Variants in DEPDC5 observed in about 807,000 individuals in gnomAD.
DEPDC5 encodes the protein DEP domain containing 5, GATOR1 subcomplex subunit, also known as GATOR1 complex protein DEPDC5.
In DEPDC5, 73 loss-of-function variants were observed where a neutral mutation model predicts 217.3. The ratio of observed to expected loss-of-function variants is 0.34; its 90% CI spans 0.28 to 0.41. DEPDC5 has a LOEUF of 0.41. DEPDC5 is among the 10% of genes least tolerant of loss of function. DEPDC5 has a pLI of 1.00. For synonymous variants in DEPDC5, 733 were observed against 756.7 expected, an observed-to-expected ratio of 0.97 and a Z score of 0.51; for missense variants, 1,675 against 2,070.1, an observed-to-expected ratio of 0.81 and a Z score of 3.70.
At chr22:31,898,468 T>C (rs547918320) in intron 40 of DEPDC5, among the ~76,000 whole-genome samples, 5 of 152,332 alleles carry the variant, frequency 3.3e-5, no homozygotes, top group African/African-American at 1.2e-4. Context: ...AAGCTAGGGT[T>C]GATGCTGATA....
At chr22:31,855,106 A>G (rs2092226387) in intron 31 of DEPDC5, among the ~76,000 whole-genome samples, 1 of 151,924 alleles carries the variant, frequency 6.6e-6, no homozygotes, top group Non-Finnish European at 1.5e-5. Flanking sequence ...CTGGGACTAC[A>G]GACGTGCGCC....
intron 2 of DEPDC5, among the ~76,000 whole-genome samples, chr22:31,756,038 A>ATTT (rs35222514): frequency 8.6e-6 from 1 of 116,848 alleles, no homozygotes; most frequent in Non-Finnish European, 1.8e-5. Context: ...ACACCTGGCT[A>ATTT]TTTTTTTTTT....
In DEPDC5 at chr22:31,804,873, G is replaced by A. The variant is rs575467056; in HGVS notation, c.1175G>A (p.Arg392His). 9 of 1,613,816 alleles carry A rather than the reference G, an allele frequency of 5.6e-6. No individual in the cohort carries two copies. The highest frequency in any genetic ancestry group is 1.7e-5 in the Admixed American group (1 of 59,986). ...AATCGGAGTGCTCCCCGTGATTCTCGTCTGGGCGATGACTATAATATCCCT... is the reference window on the plus strand; with the variant it reads ...AATCGGAGTGCTCCCCGTGATTCTCATCTGGGCGATGACTATAATATCCCT... ...LHNRSAPRDS[R>H]LGDDYNIPHW... Residue 392 changes from arginine (R) to histidine (H), a missense_variant, in exon 17 of 43, where the codon CGT (arginine) becomes CAT (histidine). This residue lies in a region of DEPDC5 where 628 missense variants were observed against 762.1 expected (regional missense o/e 0.82). Coordinates refer to ENST00000651528, the MANE Select transcript of DEPDC5 (RefSeq NM_001242896.3).
chr22:31,817,707 G>A (rs1486381119), intron 21 of DEPDC5, among the ~76,000 whole-genome samples: 1 of 151,798 alleles, frequency 6.6e-6, no homozygotes, highest in Non-Finnish European at 1.5e-5. Flanking sequence ...GGCTGGTCTC[G>A]AACTCCTGGG....
chr22:31,900,588 AATTAG>A lies in DEPDC5; in HGVS notation c.4376-1153_4376-1149del, dbSNP rs1036426959. Reference sequence around the variant, plus strand: ...ACTCCATCTTTACTAAAAACACAAAAATTAGCTGGGCGCTGTGGCACATGCCTGTA... The same window carrying A: ...ACTCCATCTTTACTAAAAACACAAAACTGGGCGCTGTGGCACATGCCTGTA... On this transcript the variant is annotated intron_variant, in intron 40 of 42. Coordinates refer to ENST00000651528, the MANE Select transcript of DEPDC5 (RefSeq NM_001242896.3). Among the ~76,000 whole-genome samples the A allele has an allele frequency of 3.1e-4, 47 of 151,798 alleles. 1 individual carries two copies. The highest frequency in any genetic ancestry group is 1.5e-3 in the South Asian group (7 of 4,816).
chr22:31,880,364 G>C (rs1219357320), intron 38 of DEPDC5: 2 of 155,270 alleles, frequency 1.3e-5, no homozygotes, highest in African/African-American at 4.8e-5. Flanking sequence ...CTGAGCTAGA[G>C]GACCTGACTG....
chr22:31,757,015 A>G (rs1050616103), intron 2 of DEPDC5, among the ~76,000 whole-genome samples: 1 of 151,918 alleles, frequency 6.6e-6, no homozygotes, highest in Non-Finnish European at 1.5e-5. Flanking sequence ...GAATGCCACA[A>G]GGTTCTTTGT....
Position 31,874,917 on chromosome 22 carries a change from C to A in DEPDC5, c.3696+512C>A, listed in dbSNP as rs183302350. On this transcript the variant is annotated intron_variant, in intron 36 of 42. Coordinates refer to ENST00000651528, the MANE Select transcript of DEPDC5 (RefSeq NM_001242896.3). ...CCTCTTATTTTCCATTTCTGTATCA[C>A]CAGTGCCAGGCATGTTGCTTGGCAC... is the stretch of plus-strand genomic sequence containing the variant. Among the ~76,000 whole-genome samples the A allele has an allele frequency of 1.5e-4, 23 of 152,336 alleles. No individual in the cohort carries two copies. The East Asian group carries it at 4.4e-3, about 29-fold the overall frequency.
chr22:31,797,188 A>G lies in DEPDC5; in HGVS notation c.768-412A>G, dbSNP rs557611646. Among the ~76,000 whole-genome samples, 9 of 152,076 alleles carry G rather than the reference A, an allele frequency of 5.9e-5. No homozygotes were observed. In the South Asian group the frequency reaches 1.9e-3, roughly 32 times the overall value. On this transcript the variant is annotated intron_variant, in intron 12 of 42. Transcript: ENST00000651528. ...TAAAGAACCTGATGTTCTGTATGTA[A>G]AGTTGCTGTATTAGTCCATTTTCTC...
chr22:31,805,667 AT>A (rs377736983), intron 17 of DEPDC5, among the ~76,000 whole-genome samples: 1 of 152,014 alleles, frequency 6.6e-6, no homozygotes, highest in African/African-American at 2.4e-5. Flanking sequence ...CGCCCGGCTA[AT>A]TTTTGTATTT....
intron 38 of DEPDC5, chr22:31,891,558 A>G (rs1296661127): frequency 6.0e-6 from 1 of 165,814 alleles, no homozygotes; most frequent in Non-Finnish European, 1.3e-5. Flanking sequence ...TTACAACAGA[A>G]GCTCATTAAA....
At chr22:31,890,193 G>C (rs1391178491) in intron 38 of DEPDC5, among the ~76,000 whole-genome samples, 1 of 152,136 alleles carries the variant, frequency 6.6e-6, no homozygotes, top group Non-Finnish European at 1.5e-5. Context: ...TCAGTTTGTA[G>C]TTCAGGAACT....
chr22:31,828,604 C>CTAGA (rs1195061621), intron 24 of DEPDC5, among the ~76,000 whole-genome samples: 1 of 147,898 alleles, frequency 6.8e-6, no homozygotes, highest in Non-Finnish European at 1.5e-5. Flanking sequence ...AAACAATTAA[C>CTAGA]TAGATTCCTT....
intron 38 of DEPDC5, among the ~76,000 whole-genome samples, chr22:31,893,241 A>G (rs2149376242): frequency 6.6e-6 from 1 of 152,240 alleles, no homozygotes; most frequent in South Asian, 2.1e-4. Context: ...ATCCTACAGA[A>G]TAGTTTAACC....
At chr22:31,891,873 G>T (rs2149367563) in intron 38 of DEPDC5, among the ~76,000 whole-genome samples, 1 of 152,236 alleles carries the variant, frequency 6.6e-6, no homozygotes, top group Middle Eastern at 3.4e-3. Context: ...GTATTTTAGG[G>T]CCTTAGCCTG....
Position 31,819,083 on chromosome 22 carries a change from C to A in DEPDC5, c.1728C>A (p.His576Gln), listed in dbSNP as rs1185538370. The A allele has an allele frequency of 5.0e-6, 8 of 1,614,054 alleles. No individual in the cohort carries two copies. The highest frequency in any genetic ancestry group is 2.7e-5 in the African/African-American group (2 of 74,918). ...QRDSSAPGRFHVGSAESMLHV... is the reference protein window; with the variant it reads ...QRDSSAPGRFQVGSAESMLHV... ...ACTCCAGTGCACCAGGGAGGTTTCA[C>A]GTTGGCAGTGCAGAATCCATGCTGC... Residue 576 changes from histidine (H) to glutamine (Q), a missense_variant, in exon 22 of 43, where the codon CAC becomes CAA. Around this residue, in one of 11 missense-constraint regions of DEPDC5, gnomAD observed 628 missense variants for 762.1 expected, o/e 0.82. Transcript: ENST00000651528.
chr22:31,778,347 G>A (rs1000875754), intron 8 of DEPDC5, among the ~76,000 whole-genome samples, 179 bp downstream of exon 8: 5 of 152,060 alleles, frequency 3.3e-5, no homozygotes, highest in African/African-American at 9.7e-5. Flanking sequence ...AATTAGCCAG[G>A]CATGGTGATG....
intron 37 of DEPDC5, among the ~76,000 whole-genome samples, chr22:31,879,085 T>TATATATATACACATATATATATAC (rs2093099514): frequency 7.2e-6 from 1 of 138,494 alleles, no homozygotes; most frequent in South Asian, 2.1e-4. Flanking sequence ...CACACACGTA[T>TATATATATACACATATATATATAC]ATATATATAC....
intron 38 of DEPDC5, among the ~76,000 whole-genome samples, chr22:31,886,451 T>G (rs1332253474): frequency 1.3e-5 from 2 of 152,148 alleles, no homozygotes; most frequent in African/African-American, 4.8e-5. Context: ...TTGATAATTC[T>G]TAGTGCTTAA....
Sources: allele counts gnomAD v4.1 joint callset (sites outside exome capture counted in the v4.1 genomes callset), GRCh38; gene constraint gnomAD v4.1.1; regional missense constraint gnomAD v4.1.1; transcripts MANE v1.5; gene names NCBI Gene and HGNC (gene_info 2026-07-23, HGNC 2026-07-21).